Variants in PLCH2 observed in about 807,000 individuals in gnomAD.
PLCH2 encodes 1-phosphatidylinositol 4,5-bisphosphate phosphodiesterase eta-2.
In PLCH2, 98 loss-of-function variants were observed where a neutral mutation model predicts 134.7. The ratio of observed to expected loss-of-function variants is 0.73; its 90% CI spans 0.62 to 0.86. The LOEUF (loss-of-function observed/expected upper bound fraction) is 0.86, where lower values mean the gene tolerates loss of function less well. Ranked by LOEUF, PLCH2 falls within the 40% of genes least tolerant of loss-of-function variation. PLCH2 has a pLI of 0.00. For synonymous variants in PLCH2, 974 were observed against 827.5 expected (o/e 1.18, Z -3.04); for missense variants, 1,994 against 1,986.6 (o/e 1.00, Z -0.07).
At chr1:2,470,653 A>T (rs1205741405) in intron 1 of PLCH2, among the ~76,000 whole-genome samples, 3 of 151,250 alleles carry the variant, frequency 2.0e-5, no homozygotes, top group Non-Finnish European at 2.9e-5. Flanking sequence ...CCCAGCTGCC[A>T]CCCTCCCTCC....
the PLCH2 span, among the ~76,000 whole-genome samples, chr1:2,418,133 A>G: frequency 6.6e-6 from 1 of 152,242 alleles, no homozygotes; most frequent in African/African-American, 2.4e-5. Context: ...GCAGACACCC[A>G]TCACGGCAGG....
chr1:2,475,058 G>C (rs375103598), upstream of PLCH2, among the ~76,000 whole-genome samples: 376 of 152,286 alleles, frequency 2.5e-3, 1 homozygote, highest in East Asian at 9.8e-3. Context: ...GCCTGTGACG[G>C]GGCCCCTGGT....
Position 2,435,779 on chromosome 1 carries a change from C to T in PLCH2, c.115+5150C>T, listed in dbSNP as rs1003738385. Among the ~76,000 whole-genome samples the T allele has an allele frequency of 2.6e-5, 4 of 151,720 alleles. No individual in the cohort carries two copies. In the South Asian group the frequency reaches 8.3e-4, roughly 32 times the overall value. ...GGGCAGCTGGGGTCCAGAGCCCCTG[C>T]GATGGGAGGCTCAGCTCAGTCTGGA... On this transcript the variant is annotated intron_variant, in intron 2 of 3. Coordinates refer to the PLCH2 transcript ENST00000609981.
chr1:2,491,989 G>A (rs1642613315), intron 11 of PLCH2, among the ~76,000 whole-genome samples: 1 of 152,170 alleles, frequency 6.6e-6, no homozygotes, highest in Admixed American at 6.5e-5. Flanking sequence ...GGGGAGCGTG[G>A]GTGGGCCCTA....
chr1:2,462,118 C>CT, intron 2 of PLCH2, among the ~76,000 whole-genome samples: 1 of 131,956 alleles, frequency 7.6e-6, no homozygotes, highest in Non-Finnish European at 1.6e-5. Flanking sequence ...CGCCTGACAC[C>CT]CCTCCGCCTG....
chr1:2,473,800 G>A (rs1219466247), upstream of PLCH2, among the ~76,000 whole-genome samples: 1 of 152,234 alleles, frequency 6.6e-6, no homozygotes, highest in African/African-American at 2.4e-5. Flanking sequence ...GTGAGCCAGG[G>A]CCCTCCTCTC....
chr1:2,480,795 G>C (rs1641922051), intron 4 of PLCH2, among the ~76,000 whole-genome samples: 1 of 152,208 alleles, frequency 6.6e-6, no homozygotes, highest in African/African-American at 2.4e-5. Context: ...GCAGCCTTCA[G>C]CTGAGCTGCG....
chr1:2,459,205 T>C (rs1224962963), intron 2 of PLCH2, among the ~76,000 whole-genome samples: 1 of 152,268 alleles, frequency 6.6e-6, no homozygotes, highest in Non-Finnish European at 1.5e-5. Context: ...TGGTGACAAA[T>C]GCCACGCTGG....
Position 2,502,137 on chromosome 1 carries a change from G to T in PLCH2, c.2687G>T (p.Gly896Val). ...GKVKQALGLK[G>V]LFLRGPKPGS... ...GTCAAGCAGGCTCTGGGCCTAAAAG[G>T]CCTCTTCCTCCGAGGCCCAAAGCCC... The change falls in exon 21 of 22, where the codon GGC becomes GTC. Residue 896 changes from glycine to valine, a missense_variant. Coordinates refer to ENST00000378486, the MANE Select transcript of PLCH2 (RefSeq NM_014638.4). The T allele has an allele frequency of 2.0e-6, 3 of 1,467,226 alleles. No homozygotes were observed. Among genetic ancestry groups the T allele is most frequent in the East Asian group, 2.6e-5 (1 of 38,716 alleles). 90.9% of individuals were successfully genotyped at this position (1,467,226 alleles called of 1,614,324 possible).
the PLCH2 span, among the ~76,000 whole-genome samples, chr1:2,419,981 C>T: frequency 3.4e-5 from 4 of 117,344 alleles, no homozygotes; most frequent in Non-Finnish European, 7.6e-5. Flanking sequence ...CACCCCCAGG[C>T]AACCCCTTTG....
intron 2 of PLCH2, among the ~76,000 whole-genome samples, chr1:2,438,517 C>T (rs894676950): frequency 3.9e-5 from 6 of 152,156 alleles, no homozygotes; most frequent in Non-Finnish European, 8.8e-5. Context: ...TGTGCACACT[C>T]GACCCTGGCC....
chr1:2,461,100 G>A (rs1169879799), intron 2 of PLCH2, among the ~76,000 whole-genome samples: 6 of 152,344 alleles, frequency 3.9e-5, no homozygotes, highest in South Asian at 2.1e-4. Context: ...GTCCTGGGAC[G>A]TGGCTGCATT....
chr1:2,466,004 T>C (rs557089716), upstream of PLCH2, among the ~76,000 whole-genome samples: 60 of 152,312 alleles, frequency 3.9e-4, no homozygotes, highest in African/African-American at 1.4e-3. Flanking sequence ...GCTGGCCCTT[T>C]CCTGAGTGGA....
In PLCH2 at chr1:2,458,745, G is replaced by A. The variant is rs556823961; in HGVS notation, c.116-19731G>A. Among the ~76,000 whole-genome samples, 4 of 152,284 alleles carry A rather than the reference G, an allele frequency of 2.6e-5. No homozygotes were observed. The South Asian group carries it at 8.3e-4, about 32-fold the overall frequency. On this transcript the variant is annotated intron_variant, in intron 2 of 3. Transcript: ENST00000609981. ...AGGCAGCCTGCCCCCAGTATGGGCA[G>A]CCCCCCAAAGACCCATCTGCACAGG...
intron 2 of PLCH2, among the ~76,000 whole-genome samples, chr1:2,461,410 G>A (rs978450936): frequency 6.6e-6 from 1 of 152,206 alleles, no homozygotes; most frequent in African/African-American, 2.4e-5. Context: ...TGCTGTGACT[G>A]TGGATGCTGC....
intron 2 of PLCH2, among the ~76,000 whole-genome samples, chr1:2,432,663 CAG>C (rs1308270906): frequency 6.6e-6 from 1 of 152,188 alleles, no homozygotes; most frequent in Non-Finnish European, 1.5e-5. Context: ...GCTGCCCAGA[CAG>C]TGCACTCTCC....
chr1:2,488,427 G>A (rs549518689), intron 8 of PLCH2, among the ~76,000 whole-genome samples: 2 of 152,320 alleles, frequency 1.3e-5, no homozygotes, highest in South Asian at 4.1e-4. Flanking sequence ...CAGGCACAAT[G>A]TTCTCCTGCA....
intron 4 of PLCH2, among the ~76,000 whole-genome samples, chr1:2,480,798 G>A (rs1489807744): frequency 6.6e-6 from 1 of 152,148 alleles, no homozygotes; most frequent in Non-Finnish European, 1.5e-5. Context: ...GCCTTCAGCT[G>A]AGCTGCGGCC....
intron 5 of PLCH2, among the ~76,000 whole-genome samples, chr1:2,485,143 A>G (rs1248926240): frequency 6.6e-6 from 1 of 152,180 alleles, no homozygotes; most frequent in Non-Finnish European, 1.5e-5. Context: ...TGCCTCCTGG[A>G]ATCCAGAGGG....
Sources: allele counts gnomAD v4.1 joint callset (sites outside exome capture counted in the v4.1 genomes callset), GRCh38; gene constraint gnomAD v4.1.1; transcripts MANE v1.5; gene names NCBI Gene and HGNC (gene_info 2026-07-23, HGNC 2026-07-21).